FANCC: variants seen among roughly 807,000 people sequenced by gnomAD.
The protein encoded by FANCC is FA complementation group C, also known as Fanconi anemia group C protein.
In FANCC, 55 loss-of-function variants were observed where a neutral mutation model predicts 71.3. The ratio of observed to expected loss-of-function variants is 0.77; its 90% CI spans 0.62 to 0.97. FANCC has a LOEUF of 0.97. Among genes scored for constraint, FANCC ranks in the 50% least tolerant of loss-of-function variants. FANCC has a pLI of 0.00. For missense variants in FANCC, 678 were observed against 670.9 expected (o/e 1.01, Z -0.12); for synonymous variants, 275 against 244.9 (o/e 1.12, Z -1.15).
intron 14 of FANCC, among the ~76,000 whole-genome samples, chr9:95,103,049 T>G (rs1040917363): frequency 6.6e-6 from 1 of 152,306 alleles, no homozygotes; most frequent in Middle Eastern, 3.4e-3. Context: ...CTGATGGCCT[T>G]CGGTAGATGC....
At position 95,171,160 on chromosome 9, in the gene FANCC, G is replaced by C. The variant is rs2135580182; in HGVS notation, c.457-17C>G. The stretch of plus-strand genomic sequence containing the variant: ...TAAAACCATCTGTAAAACAAAATCA[G>C]TTGCAGGTTAACTCACGCTGCAAAC... On this transcript the variant is annotated splice_polypyrimidine_tract_variant and intron_variant, in intron 5 of 14. Transcript: ENST00000289081. 1 of 1,604,826 alleles carries C rather than the reference G, an allele frequency of 6.2e-7. No individual in the cohort carries two copies. The highest frequency in any genetic ancestry group is 8.5e-7 in the Non-Finnish European group (1 of 1,171,968).
chr9:95,180,928 C>T (rs572338618), intron 4 of FANCC, among the ~76,000 whole-genome samples: 4 of 152,132 alleles, frequency 2.6e-5, no homozygotes, highest in Admixed American at 2.6e-4. Flanking sequence ...ATTGTACATG[C>T]AGGCTGTTGT....
chr9:95,204,408 A>G (rs1467425445), intron 4 of FANCC, among the ~76,000 whole-genome samples: 1 of 152,180 alleles, frequency 6.6e-6, no homozygotes, highest in Non-Finnish European at 1.5e-5. Flanking sequence ...GTGAATAGAA[A>G]TCTGCTAAAC....
At chr9:95,219,258 G>A (rs1588299696) in intron 4 of FANCC, among the ~76,000 whole-genome samples, 1 of 152,232 alleles carries the variant, frequency 6.6e-6, no homozygotes, top group Non-Finnish European at 1.5e-5. Flanking sequence ...TCTCTGTGAA[G>A]CAGCAGGAGT....
At chr9:95,248,534 C>A (rs1315341046) in intron 2 of FANCC, among the ~76,000 whole-genome samples, 1 of 152,214 alleles carries the variant, frequency 6.6e-6, no homozygotes, top group African/African-American at 2.4e-5. Flanking sequence ...TGTTAAGTGA[C>A]AATTTTGCTT....
At chr9:95,270,399 T>C (rs1832652324) in intron 1 of FANCC, among the ~76,000 whole-genome samples, 1 of 151,542 alleles carries the variant, frequency 6.6e-6, no homozygotes, top group Non-Finnish European at 1.5e-5. Flanking sequence ...ACCCGAGAAC[T>C]GTGAGAGTGC....
chr9:95,110,084 G>T, intron 13 of FANCC: 1 of 203,538 alleles, frequency 4.9e-6, no homozygotes, highest in Non-Finnish European at 8.7e-6. Context: ...GCCTGCCACT[G>T]CCCCACTCAC....
At chr9:95,214,810 C>G (rs927681172) in intron 4 of FANCC, among the ~76,000 whole-genome samples, 3 of 152,102 alleles carry the variant, frequency 2.0e-5, no homozygotes, top group East Asian at 1.9e-4. Context: ...TCAAAAATCA[C>G]AGAGAGAGAA....
intron 1 of FANCC, among the ~76,000 whole-genome samples, chr9:95,311,233 CA>C (rs10710492): frequency 0.065 from 4,942 of 75,968 alleles, 96 homozygotes; most frequent in African/African-American, 0.17. Context: ...GATTCCGTCT[CA>C]AAAAAAAAAA....
At chr9:95,300,774 G>C (rs914706918) in intron 1 of FANCC, among the ~76,000 whole-genome samples, 5 of 152,082 alleles carry the variant, frequency 3.3e-5, no homozygotes, top group Admixed American at 1.3e-4. Context: ...CTGCTGACTT[G>C]GGGTGCTCCC....
At chr9:95,126,766 T>G (rs1826046589) in intron 8 of FANCC, 185 bp from the exon 9 acceptor site, 20 of 628,166 alleles carry the variant, frequency 3.2e-5, no homozygotes, top group Non-Finnish European at 5.7e-5. Flanking sequence ...TACGGTGGTC[T>G]CCCTGGGCAG....
At chr9:95,166,567 A>C (rs886939786) in intron 6 of FANCC, among the ~76,000 whole-genome samples, 2 of 152,150 alleles carry the variant, frequency 1.3e-5, no homozygotes, top group Non-Finnish European at 2.9e-5. Flanking sequence ...ACAGTTTAAT[A>C]GTTATTTTTA....
chr9:95,130,444 A>G (rs1233642471), intron 8 of FANCC, among the ~76,000 whole-genome samples: 5 of 152,250 alleles, frequency 3.3e-5, no homozygotes, highest in African/African-American at 9.6e-5. Context: ...GAAGGAACAG[A>G]AAAAATTATC....
intron 4 of FANCC, among the ~76,000 whole-genome samples, chr9:95,198,843 T>C (rs1827623041): frequency 6.6e-6 from 1 of 152,074 alleles, no homozygotes; most frequent in South Asian, 2.1e-4. Flanking sequence ...GCTCAGGTGA[T>C]CCTCCCGCCT....
intron 7 of FANCC, among the ~76,000 whole-genome samples, chr9:95,135,791 A>AT (rs1827584147): frequency 6.6e-6 from 1 of 152,386 alleles, no homozygotes; most frequent in Admixed American, 6.5e-5. Context: ...AGAGGGAGCG[A>AT]TAAAAAACGG....
At chr9:95,292,603 G>T in intron 1 of FANCC, 1 of 1,462,316 alleles carries the variant, frequency 6.8e-7, no homozygotes, top group Admixed American at 1.7e-5. Flanking sequence ...ACCGTGCGCG[G>T]CTGCCGCAAG....
chr9:95,170,778 A>C (rs1825625949), intron 6 of FANCC, among the ~76,000 whole-genome samples: 1 of 151,782 alleles, frequency 6.6e-6, no homozygotes, highest in Non-Finnish European at 1.5e-5. Flanking sequence ...TCCCAGGGTA[A>C]AACTAAGTAC....
chr9:95,309,302 T>TA (rs1053162730), intron 1 of FANCC, among the ~76,000 whole-genome samples: 159 of 152,268 alleles, frequency 1.0e-3, no homozygotes, highest in Non-Finnish European at 1.8e-3. Flanking sequence ...ACTTCATAAA[T>TA]AAAATGCATG....
intron 4 of FANCC, among the ~76,000 whole-genome samples, chr9:95,203,792 T>C (rs904459017): frequency 6.6e-6 from 1 of 152,218 alleles, no homozygotes; most frequent in African/African-American, 2.4e-5. Flanking sequence ...ATCTCTTTAA[T>C]GTTTGTCTCA....
Sources: gnomAD v4.1 joint callset for allele counts (sites outside exome capture counted in the v4.1 genomes callset) on GRCh38, gnomAD v4.1.1 for gene constraint, MANE v1.5 for transcripts, NCBI Gene and HGNC (gene_info 2026-07-23, HGNC 2026-07-21) for gene names.